Variants in NRG1 observed in about 807,000 individuals in gnomAD.
NRG1 encodes the protein pro-neuregulin-1, membrane-bound isoform.
Under a neutral mutation model 63.8 loss-of-function variants are expected in NRG1, and 18 were observed. The observed-to-expected ratio is 0.28, with a 90% CI of 0.19 to 0.42. NRG1 has a LOEUF of 0.42. Ranked by LOEUF, NRG1 falls within the 10% of genes least tolerant of loss-of-function variation. The pLI is 1.00. For synonymous variants in NRG1, 302 were observed against 301.3 expected, an observed-to-expected ratio of 1.00 and a Z score of -0.02; for missense variants, 762 against 814.7, an observed-to-expected ratio of 0.94 and a Z score of 0.79.
chr8:32,076,710 T>C (rs1826618485), intron 1 of NRG1, among the ~76,000 whole-genome samples: 1 of 86,490 alleles, frequency 1.2e-5, no homozygotes, highest in African/African-American at 4.3e-5. Context: ...ATTGTACACC[T>C]GAACTTAAGT....
At chr8:32,654,371 G>C (rs375157313) in intron 5 of NRG1, among the ~76,000 whole-genome samples, 1 of 152,156 alleles carries the variant, frequency 6.6e-6, no homozygotes, top group Admixed American at 6.5e-5. Flanking sequence ...GCTTACGCCT[G>C]TAATCCCAGC....
At chr8:32,363,846 T>C (rs1052319225) in intron 1 of NRG1, among the ~76,000 whole-genome samples, 3 of 151,990 alleles carry the variant, frequency 2.0e-5, no homozygotes, top group Non-Finnish European at 4.4e-5. Flanking sequence ...GGGGTTGGGA[T>C]TGGGAGGAGT....
intron 1 of NRG1, among the ~76,000 whole-genome samples, chr8:32,455,804 A>T (rs1450937008): frequency 6.6e-6 from 1 of 152,096 alleles, no homozygotes; most frequent in Non-Finnish European, 1.5e-5. Context: ...TATTTATTTA[A>T]TTTGAGACAG....
chr8:32,575,834 A>T (rs181338723), intron 1 of NRG1, among the ~76,000 whole-genome samples: 1 of 152,344 alleles, frequency 6.6e-6, no homozygotes, highest in Non-Finnish European at 1.5e-5. Flanking sequence ...GAGGACCCAG[A>T]TATGCTAGTC....
At chr8:32,772,369 G>A (rs1831878790), downstream of NRG1, among the ~76,000 whole-genome samples, 1 of 152,030 alleles carries the variant, frequency 6.6e-6, no homozygotes, top group Non-Finnish European at 1.5e-5. Flanking sequence ...CATCAGGCTT[G>A]TAATATAGGC....
chr8:32,025,489 G>T (rs949660109), intron 1 of NRG1, among the ~76,000 whole-genome samples: 3 of 152,218 alleles, frequency 2.0e-5, no homozygotes, highest in Non-Finnish European at 2.9e-5. Context: ...TTAACAGAAG[G>T]TTAAAACTGA....
intron 1 of NRG1, among the ~76,000 whole-genome samples, chr8:32,093,729 C>T (rs1829515594): frequency 1.3e-5 from 2 of 152,080 alleles, no homozygotes; most frequent in African/African-American, 4.8e-5. Context: ...GGGCAAAAAA[C>T]GTTTGTTGGT....
chr8:31,858,892 T>G (rs1828207368), intron 1 of NRG1, among the ~76,000 whole-genome samples: 1 of 152,170 alleles, frequency 6.6e-6, no homozygotes. Context: ...TCTCGCGAAC[T>G]GACTCCCACT....
intron 1 of NRG1, among the ~76,000 whole-genome samples, chr8:32,181,390 A>G (rs1841415646): frequency 6.6e-6 from 1 of 152,120 alleles, no homozygotes; most frequent in Non-Finnish European, 1.5e-5. Context: ...GTTTTTCTGT[A>G]TTGCTCTCTT....
At position 31,640,804 on chromosome 8, in the gene NRG1, G is replaced by A. The variant is rs576388518; in HGVS notation, c.37+1373G>A. ...CCCGGGCGCGCGGGCAGCGGGGCTC[G>A]ACGGCCGCCCGAGCAAGGCAGAGGC... On this transcript the variant is annotated intron_variant, in intron 1 of 10. Coordinates refer to the NRG1 transcript ENST00000519301. The surrounding 1 kb of genome is among the most constrained non-coding windows in gnomAD (Gnocchi z 6.3). 4 of 1,432,118 alleles carry A rather than the reference G, an allele frequency of 2.8e-6. No individual in the cohort carries two copies. Among genetic ancestry groups the A allele is most frequent in the South Asian group, 3.0e-5 (2 of 65,858 alleles). 88.7% of individuals were successfully genotyped at this position (1,432,118 alleles called of 1,614,324 possible).
intron 1 of NRG1, among the ~76,000 whole-genome samples, chr8:31,642,894 A>G (rs779438920): frequency 8.5e-5 from 13 of 152,220 alleles, no homozygotes; most frequent in Non-Finnish European, 1.8e-4. Context: ...TGTTTCTTGT[A>G]AAACTGGAGG....
At chr8:32,728,361 T>C in intron 6 of NRG1, 1 of 985,222 alleles carries the variant, frequency 1.0e-6, no homozygotes. Flanking sequence ...GTGGTTTTTC[T>C]TGTTGTTATT....
chr8:32,677,203 A>G (rs1005637757), intron 5 of NRG1, among the ~76,000 whole-genome samples: 1 of 152,330 alleles, frequency 6.6e-6, no homozygotes, highest in African/African-American at 2.4e-5. Context: ...ATTTATTAGT[A>G]AATATTTAAG....
At chr8:32,443,690 C>T (rs1232937085) in intron 1 of NRG1, among the ~76,000 whole-genome samples, 1 of 152,132 alleles carries the variant, frequency 6.6e-6, no homozygotes, top group African/African-American at 2.4e-5. Flanking sequence ...TTTTCTCCTA[C>T]AATAGGAACT....
At chr8:32,138,048 G>A (rs1319726732) in intron 1 of NRG1, among the ~76,000 whole-genome samples, 1 of 152,126 alleles carries the variant, frequency 6.6e-6, no homozygotes, top group Non-Finnish European at 1.5e-5. Flanking sequence ...GTGGAAGAAT[G>A]TTAGGTGTCC....
At chr8:32,413,653 G>A (rs1390135172) in intron 1 of NRG1, among the ~76,000 whole-genome samples, 3 of 152,150 alleles carry the variant, frequency 2.0e-5, no homozygotes, top group East Asian at 1.9e-4. Context: ...ACCTAATAAA[G>A]TGGAGTTTTG....
At chr8:31,880,443 G>C (rs1335061847) in intron 1 of NRG1, among the ~76,000 whole-genome samples, 3 of 152,112 alleles carry the variant, frequency 2.0e-5, no homozygotes, top group African/African-American at 7.2e-5. Flanking sequence ...GCTTACGAAA[G>C]CTACTCTCTG....
intron 1 of NRG1, among the ~76,000 whole-genome samples, chr8:31,688,668 G>A (rs1209579314): frequency 6.6e-6 from 1 of 152,158 alleles, no homozygotes; most frequent in Non-Finnish European, 1.5e-5. Context: ...AGCTATACAA[G>A]TATGTAAAAT....
intron 1 of NRG1, among the ~76,000 whole-genome samples, chr8:32,392,417 C>A (rs1411549179): frequency 4.6e-5 from 7 of 152,170 alleles, no homozygotes; most frequent in South Asian, 4.1e-4. Context: ...CATGGGAAGG[C>A]AGTACTTTTT....
Sources: allele counts gnomAD v4.1 joint callset (sites outside exome capture counted in the v4.1 genomes callset), GRCh38; gene constraint gnomAD v4.1.1; non-coding constraint Gnocchi (gnomAD v3.1); transcripts MANE v1.5; gene names NCBI Gene and HGNC (gene_info 2026-07-23, HGNC 2026-07-21).